Variants in POU6F2 observed in about 807,000 individuals in gnomAD.
The protein encoded by POU6F2 is POU class 6 homeobox 2.
POU6F2 carries 31 observed loss-of-function variants against 71.3 expected under a neutral mutation model. That is an observed-to-expected ratio of 0.43 (90% CI 0.33 to 0.59). The LOEUF is 0.59. POU6F2 is among the 20% of genes least tolerant of loss of function. The probability of loss-of-function intolerance (pLI) is 0.04; values close to 1 mark genes in which losing one functional copy is unlikely to be tolerated. For synonymous variants in POU6F2, 347 were observed against 355.7 expected, an observed-to-expected ratio of 0.98 and a Z score of 0.27; for missense variants, 783 against 856.8, an observed-to-expected ratio of 0.91 and a Z score of 1.07.
intron 4 of POU6F2, among the ~76,000 whole-genome samples, chr7:39,216,834 T>A (rs1323801586): frequency 2.0e-5 from 3 of 152,136 alleles, no homozygotes; most frequent in Non-Finnish European, 4.4e-5. Flanking sequence ...AACAGTGTTG[T>A]TTGCTCAGTT....
intron 4 of POU6F2, among the ~76,000 whole-genome samples, chr7:39,252,196 G>A (rs1424773093): frequency 2.0e-5 from 3 of 152,050 alleles, no homozygotes; most frequent in South Asian, 2.1e-4. Context: ...TGCAGCTCCA[G>A]GAGGACCACT....
At chr7:39,036,050 G>A (rs1212311285) in intron 1 of POU6F2, among the ~76,000 whole-genome samples, 1 of 152,132 alleles carries the variant, frequency 6.6e-6, no homozygotes, top group African/African-American at 2.4e-5. Flanking sequence ...AGGCGTGCGG[G>A]AGAGGAGAGG....
In POU6F2 at chr7:39,169,911, G is replaced by A. The variant is rs142222931; in HGVS notation, c.278-34324G>A. 7.8e-3 allele frequency among the ~76,000 whole-genome samples: 1,193 copies of A among 152,188 alleles called. 33 individuals carry two copies. Among genetic ancestry groups the A allele is most frequent in the Admixed American group, 4.8e-3 (73 of 15,288 alleles). On this transcript the variant is annotated intron_variant, in intron 2 of 9. Transcript: ENST00000518318. ...TGAATTCAAAGGTAAGGCTGGGCGC[G>A]GTGGCTCATGCCTGTAATCCCAGCA...
At chr7:39,392,214 C>T (rs1265113329) in intron 5 of POU6F2, among the ~76,000 whole-genome samples, 1 of 152,158 alleles carries the variant, frequency 6.6e-6, no homozygotes, top group African/African-American at 2.4e-5. Flanking sequence ...ATTTGAAGAA[C>T]CTTAAAAAAT....
intron 4 of POU6F2, among the ~76,000 whole-genome samples, chr7:39,271,012 G>C (rs1425747075): frequency 6.6e-6 from 1 of 152,158 alleles, no homozygotes; most frequent in African/African-American, 2.4e-5. Context: ...AGAACACAGA[G>C]CAGTCTCTTC....
intron 4 of POU6F2, among the ~76,000 whole-genome samples, chr7:39,332,237 C>T (rs1562793246): frequency 6.6e-6 from 1 of 152,104 alleles, no homozygotes. Context: ...TTTTTCATTA[C>T]TATGGAATCC....
intron 2 of POU6F2, among the ~76,000 whole-genome samples, chr7:39,122,708 T>C (rs1792067052): frequency 6.7e-6 from 1 of 150,264 alleles, no homozygotes; most frequent in African/African-American, 2.4e-5. Context: ...ATGCCTATTT[T>C]TTTTTTTTTT....
At chr7:39,011,931 A>G (rs1789301764) in intron 1 of POU6F2, among the ~76,000 whole-genome samples, 3 of 151,686 alleles carry the variant, frequency 2.0e-5, no homozygotes, top group Admixed American at 6.6e-5. Context: ...GGGTAACCCG[A>G]CCTTTCTCTC....
At chr7:39,203,097 T>C (rs1793940535) in intron 2 of POU6F2, among the ~76,000 whole-genome samples, 1 of 152,254 alleles carries the variant, frequency 6.6e-6, no homozygotes, top group Admixed American at 6.5e-5. Flanking sequence ...TATTTGTAGC[T>C]TAATGTGCTG....
At chr7:39,170,004 G>A (rs1347983771) in intron 2 of POU6F2, among the ~76,000 whole-genome samples, 3 of 152,014 alleles carry the variant, frequency 2.0e-5, no homozygotes, top group Middle Eastern at 3.2e-3. Context: ...CCAACATGGC[G>A]AAACCCTGTT....
intron 4 of POU6F2, among the ~76,000 whole-genome samples, chr7:39,318,180 G>T (rs1200982459): frequency 1.3e-5 from 2 of 152,014 alleles, no homozygotes; most frequent in Admixed American, 1.3e-4. Context: ...GATTTTTGAG[G>T]GTAAGAAATA....
chr7:39,046,787 C>T (rs1003418387), intron 1 of POU6F2, among the ~76,000 whole-genome samples: 6 of 151,906 alleles, frequency 3.9e-5, no homozygotes, highest in African/African-American at 1.4e-4. Flanking sequence ...CAAGCAAATT[C>T]ATCCTGATTG....
At chr7:39,094,501 A>T (rs1791417013) in intron 2 of POU6F2, among the ~76,000 whole-genome samples, 1 of 152,138 alleles carries the variant, frequency 6.6e-6, no homozygotes, top group Admixed American at 6.6e-5. Context: ...ATGCGCCTAT[A>T]TATCAAGGTA....
intron 4 of POU6F2, among the ~76,000 whole-genome samples, chr7:39,266,843 A>G (rs908301328): frequency 2.0e-5 from 3 of 151,898 alleles, no homozygotes; most frequent in African/African-American, 7.3e-5. Flanking sequence ...ATTTCTTTGT[A>G]GTGAGAATAT....
chr7:39,341,184 T>C (rs1785910287), intron 5 of POU6F2, among the ~76,000 whole-genome samples: 1 of 152,210 alleles, frequency 6.6e-6, no homozygotes, highest in African/African-American at 2.4e-5. Context: ...CTTGGTATTT[T>C]AGAACTTAGT....
intron 2 of POU6F2, among the ~76,000 whole-genome samples, chr7:39,172,902 C>T (rs1359711613): frequency 1.3e-5 from 2 of 151,460 alleles, no homozygotes; most frequent in African/African-American, 2.4e-5. Flanking sequence ...CCATTACAGG[C>T]GTGTGCCATC....
rs114131362 is a variant in POU6F2, at chr7:39,098,726, T to C, written c.277+12695T>C. ...CCCCATCTCTGCATGGAGGTATTGC[T>C]GGTACGCCACAGGGCAATCTTGAGC... On this transcript the variant is annotated intron_variant, in intron 2 of 9. Coordinates refer to ENST00000518318, the MANE Select transcript of POU6F2 (RefSeq NM_001370959.1). 5.2e-3 allele frequency among the ~76,000 whole-genome samples: 789 copies of C among 152,348 alleles called. 8 individuals are homozygous for C. The highest frequency in any genetic ancestry group is 0.018 in the African/African-American group (764 of 41,586).
At chr7:39,292,883 G>A (rs1040092830) in intron 4 of POU6F2, among the ~76,000 whole-genome samples, 20 of 152,092 alleles carry the variant, frequency 1.3e-4, no homozygotes, top group African/African-American at 4.8e-4. Context: ...GGATGGCTGG[G>A]GTCTTGCAGT....
chr7:39,173,086 C>T (rs1028922706), intron 2 of POU6F2, among the ~76,000 whole-genome samples: 2 of 151,926 alleles, frequency 1.3e-5, no homozygotes, highest in African/African-American at 4.8e-5. Context: ...TGCAATATAC[C>T]CAAAAGATTA....
Sources: allele counts gnomAD v4.1 joint callset (sites outside exome capture counted in the v4.1 genomes callset), GRCh38; gene constraint gnomAD v4.1.1; transcripts MANE v1.5; gene names NCBI Gene and HGNC (gene_info 2026-07-23, HGNC 2026-07-21).